The following NAA15 variants were observed in gnomAD, a reference collection of about 807,000 sequenced individuals.
NAA15 encodes N-terminal acetyltransferase.
Under a neutral mutation model 114.0 loss-of-function variants are expected in NAA15, and 34 were observed. The observed-to-expected ratio is 0.30, with a 90% CI of 0.23 to 0.40. The LOEUF is 0.40. Among genes scored for constraint, NAA15 ranks in the 10% least tolerant of loss-of-function variants. The probability of loss-of-function intolerance (pLI) is 1.00; values close to 1 mark genes in which losing one functional copy is unlikely to be tolerated. For missense variants in NAA15, 658 were observed against 1,004.5 expected, an observed-to-expected ratio of 0.66 and a Z score of 4.66; for synonymous variants, 340 against 338.0, an observed-to-expected ratio of 1.01 and a Z score of -0.06.
chr4:139,322,182 A>G (rs1746639794), intron 1 of NAA15, among the ~76,000 whole-genome samples: 1 of 151,990 alleles, frequency 6.6e-6, no homozygotes, highest in Non-Finnish European at 1.5e-5. Flanking sequence ...TGTGGGAGGG[A>G]CCTGGTAGGA....
intron 1 of NAA15, among the ~76,000 whole-genome samples, chr4:139,329,375 A>G (rs1370162754): frequency 1.3e-5 from 2 of 152,044 alleles, no homozygotes; most frequent in African/African-American, 4.8e-5. Context: ...TTAGGTGTCT[A>G]GATATTTTCT....
intron 12 of NAA15, 21 bp downstream of exon 12, chr4:139,359,916 T>C: frequency 6.5e-7 from 1 of 1,546,186 alleles, no homozygotes; most frequent in Non-Finnish European, 8.6e-7. Context: ...CTAGTGTTCT[T>C]AATTATGAAT....
chr4:139,370,415 A>G lies in NAA15; in HGVS notation c.1947+11A>G. 6.4e-7 allele frequency: 1 copy of G among 1,557,486 alleles called. No individual in the cohort carries two copies. The highest frequency in any genetic ancestry group is 8.6e-7 in the Non-Finnish European group (1 of 1,161,482). ...GAGAAACTGGCCAAGGTACTTAATAATAGTGTTTAGCACAATTGAGTGACA... is the reference window on the plus strand; with the variant it reads ...GAGAAACTGGCCAAGGTACTTAATAGTAGTGTTTAGCACAATTGAGTGACA... On this transcript the variant is annotated intron_variant, in intron 15 of 19. Coordinates refer to ENST00000296543, the MANE Select transcript of NAA15 (RefSeq NM_057175.5).
intron 11 of NAA15, among the ~76,000 whole-genome samples, chr4:139,358,427 C>T (rs534733569): frequency 6.6e-6 from 1 of 152,164 alleles, no homozygotes; most frequent in South Asian, 2.1e-4. Context: ...AACTCCTGGC[C>T]TAAAGTGATC....
chr4:139,353,063 C>T (rs1429117079), intron 9 of NAA15, among the ~76,000 whole-genome samples: 1 of 152,144 alleles, frequency 6.6e-6, no homozygotes, highest in Non-Finnish European at 1.5e-5. Context: ...TGATTTTCTT[C>T]TACTTAAGAT....
chr4:139,349,311 A>G, intron 6 of NAA15, 151 bp from the exon 7 acceptor site: 1 of 597,638 alleles, frequency 1.7e-6, no homozygotes, highest in Non-Finnish European at 2.7e-6. Context: ...ATAACTTGGT[A>G]AATGATCTTA....
At chr4:139,349,339 T>C in intron 6 of NAA15, 123 bp from the exon 7 acceptor site, 1 of 785,708 alleles carries the variant, frequency 1.3e-6, no homozygotes, top group Non-Finnish European at 1.9e-6. Flanking sequence ...TGGAACCAGG[T>C]CCATCCACTT....
chr4:139,301,745 GT>G lies in NAA15; in HGVS notation c.-32del, dbSNP rs772605317. 1 of 1,552,926 alleles carries G rather than the reference GT, an allele frequency of 6.4e-7. No homozygotes were observed. Among genetic ancestry groups the G allele is most frequent in the East Asian group, 2.5e-5 (1 of 40,622 alleles). On this transcript the variant is annotated 5_prime_UTR_variant, in exon 1 of 20. Transcript: ENST00000296543. ...CGGACAAACTGACTGACCGAGCCGG[GT>G]GGTGGCGGGAGCAGCGGGAGCAGCC...
chr4:139,316,157 A>T (rs2110851169), intron 1 of NAA15, among the ~76,000 whole-genome samples: 1 of 151,950 alleles, frequency 6.6e-6, no homozygotes, highest in African/African-American at 2.4e-5. Context: ...AAAGCTCATC[A>T]TCTAGTAGAT....
At chr4:139,355,055 G>T (rs1747901875) in intron 10 of NAA15, among the ~76,000 whole-genome samples, 1 of 151,628 alleles carries the variant, frequency 6.6e-6, no homozygotes, top group African/African-American at 2.4e-5. Flanking sequence ...TGTATTTTTG[G>T]TAGAGACGGG....
rs1305517620 is a variant in NAA15, at chr4:139,336,773, T to A, written c.140-75T>A. 3.7e-6 allele frequency: 3 copies of A among 800,150 alleles called. No individual in the cohort carries two copies. The African/African-American group carries it at 5.4e-5, about 14-fold the overall frequency. 49.6% of individuals were successfully genotyped at this position (800,150 alleles called of 1,614,324 possible). Reference sequence around the variant, plus strand: ...GCAGTGTAGCATTTGTTTTTGAGATTATGGTTCTGTTGTTATTTATTTTTA... The same window carrying A: ...GCAGTGTAGCATTTGTTTTTGAGATAATGGTTCTGTTGTTATTTATTTTTA... On this transcript the variant is annotated intron_variant, in intron 2 of 19. Transcript: ENST00000296543.
At chr4:139,315,427 G>A (rs1264922097) in intron 1 of NAA15, among the ~76,000 whole-genome samples, 1 of 151,810 alleles carries the variant, frequency 6.6e-6, no homozygotes, top group African/African-American at 2.4e-5. Context: ...GCTGAGGTGG[G>A]GGATTGCTTG....
chr4:139,316,347 T>C (rs1207959767), intron 1 of NAA15, among the ~76,000 whole-genome samples: 1 of 151,928 alleles, frequency 6.6e-6, no homozygotes, highest in Non-Finnish European at 1.5e-5. Flanking sequence ...CTATTTCTTT[T>C]TCATTTATGT....
intron 1 of NAA15, chr4:139,318,577 G>A (rs992448377): frequency 6.6e-6 from 1 of 152,190 alleles, no homozygotes; most frequent in African/African-American, 2.4e-5. Context: ...AAGGAGGCTG[G>A]GCATGGTGGC....
intron 10 of NAA15, among the ~76,000 whole-genome samples, chr4:139,355,695 C>T (rs958155095): frequency 6.6e-6 from 1 of 152,168 alleles, no homozygotes; most frequent in Non-Finnish European, 1.5e-5. Context: ...TCTGTCATGA[C>T]AGAATCTTCT....
chr4:139,383,718 G>A lies in NAA15; in HGVS notation c.2156-1114G>A, dbSNP rs183516737. The stretch of plus-strand genomic sequence containing the variant: ...ACTCCTGACCTCAAGTGATCCACCC[G>A]CCTTGGCCTCCCAAAGTGCTGGGAT... On this transcript the variant is annotated intron_variant, in intron 17 of 19. Transcript: ENST00000296543. 6.4e-4 allele frequency among the ~76,000 whole-genome samples: 97 copies of A among 152,268 alleles called. 2 individuals carry two copies. In the East Asian group the frequency reaches 0.018, roughly 28 times the overall value.
rs906331522 is a variant in NAA15 at position 139,389,883 on chromosome 4, C to T, written c.*1799C>T. The T allele has an allele frequency of 2.0e-5, 3 of 152,526 alleles. No homozygotes were observed. The highest frequency in any genetic ancestry group is 2.9e-5 in the Non-Finnish European group (2 of 68,006). The allele number at this position is 152,526 out of a possible 1,614,324, so 9.4% of individuals were successfully genotyped here. On this transcript the variant is annotated 3_prime_UTR_variant, in exon 20 of 20. Coordinates refer to ENST00000296543, the MANE Select transcript of NAA15 (RefSeq NM_057175.5). ...TAGTGATGTAAAGAGAAGTACAAACCGAACTCCAGTGCTTTGTTATGTTTT... is the reference window on the plus strand; with the variant it reads ...TAGTGATGTAAAGAGAAGTACAAACTGAACTCCAGTGCTTTGTTATGTTTT...
At chr4:139,324,023 A>G (rs1306481742) in intron 1 of NAA15, among the ~76,000 whole-genome samples, 1 of 152,156 alleles carries the variant, frequency 6.6e-6, no homozygotes, top group Non-Finnish European at 1.5e-5. Flanking sequence ...AGCTGAGACT[A>G]CAGGTATGTA....
At chr4:139,331,935 A>G (rs1747021371) in intron 1 of NAA15, among the ~76,000 whole-genome samples, 1 of 152,022 alleles carries the variant, frequency 6.6e-6, no homozygotes, top group African/African-American at 2.4e-5. Context: ...CTGTAGACCT[A>G]TTGCTCGTTT....
Sources: gnomAD v4.1 joint callset for allele counts (sites outside exome capture counted in the v4.1 genomes callset) on GRCh38, gnomAD v4.1.1 for gene constraint, MANE v1.5 for transcripts, NCBI Gene and HGNC (gene_info 2026-07-23, HGNC 2026-07-21) for gene names.